Variants in ADGRG6 observed in about 807,000 individuals in gnomAD.
ADGRG6 encodes G-protein coupled receptor 126.
In ADGRG6, 84 loss-of-function variants were observed where a neutral mutation model predicts 142.4. The observed-to-expected ratio is 0.59, with a 90% CI of 0.49 to 0.71. ADGRG6 has a LOEUF of 0.71. Among genes scored for constraint, ADGRG6 ranks in the 30% least tolerant of loss-of-function variants. ADGRG6 has a pLI of 0.00. For missense variants in ADGRG6, 1,367 were observed against 1,466.6 expected, an observed-to-expected ratio of 0.93 and a Z score of 1.11; for synonymous variants, 521 against 520.5, an observed-to-expected ratio of 1.00 and a Z score of -0.01.
intron 2 of ADGRG6, among the ~76,000 whole-genome samples, chr6:142,341,710 T>C (rs1303945947): frequency 7.1e-6 from 1 of 140,348 alleles, no homozygotes; most frequent in Non-Finnish European, 1.5e-5. Flanking sequence ...GAGAGCAAGA[T>C]TCTAATGATA....
intron 20 of ADGRG6, 100 bp downstream of exon 20, chr6:142,416,164 GA>G (rs1776350195): frequency 4.9e-6 from 4 of 817,142 alleles, no homozygotes; most frequent in Non-Finnish European, 7.6e-6. Flanking sequence ...GTACCATTAA[GA>G]GGAACCTCAA....
At position 142,445,283 on chromosome 6, in the gene ADGRG6, G is replaced by C. The variant is rs1777927022; in HGVS notation, c.*1768G>C. 1 of 152,104 alleles carries C rather than the reference G, an allele frequency of 6.6e-6. No individual in the cohort carries two copies. Among genetic ancestry groups the C allele is most frequent in the African/African-American group, 2.4e-5 (1 of 41,422 alleles). 9.4% of individuals were successfully genotyped at this position (152,104 alleles called of 1,614,324 possible). A position where few individuals can be genotyped will look rare whatever the true frequency, so the allele number is the denominator to read the frequency against. ...AAATATAAGGTCACTGAGATTCTAA[G>C]TAAGATAGTAAATCTAAGGTCACTG... On this transcript the variant is annotated 3_prime_UTR_variant, in exon 25 of 25. Transcript: ENST00000367609.
At chr6:142,408,697 A>C (rs118155380) in intron 16 of ADGRG6, among the ~76,000 whole-genome samples, 2 of 152,128 alleles carry the variant, frequency 1.3e-5, no homozygotes, top group Non-Finnish European at 2.9e-5. Context: ...AGAGGTTAGC[A>C]GTGGTTAGTC....
At chr6:142,324,982 A>G (rs763777811) in intron 2 of ADGRG6, among the ~76,000 whole-genome samples, 1 of 152,176 alleles carries the variant, frequency 6.6e-6, no homozygotes, top group East Asian at 1.9e-4. Context: ...CAGAGAAACT[A>G]TGTTGTAAAC....
chr6:142,328,854 G>A (rs1485513541), intron 2 of ADGRG6, among the ~76,000 whole-genome samples: 1 of 152,138 alleles, frequency 6.6e-6, no homozygotes, highest in East Asian at 1.9e-4. Context: ...CTTAATCGAT[G>A]AAATTGACAT....
chr6:142,310,699 A>T (rs1190478391), intron 2 of ADGRG6, among the ~76,000 whole-genome samples: 1 of 151,834 alleles, frequency 6.6e-6, no homozygotes, highest in African/African-American at 2.4e-5. Context: ...AATCCCTGGC[A>T]CTTATTTAAT....
intron 10 of ADGRG6, among the ~76,000 whole-genome samples, chr6:142,399,139 G>T (rs1775369906): frequency 6.6e-6 from 1 of 152,130 alleles, no homozygotes; most frequent in African/African-American, 2.4e-5. Flanking sequence ...CAAAAGAAAA[G>T]AAAACTTTGA....
chr6:142,395,469 G>GTAGTAGAGACAGTCTCTAC (rs1460184252), intron 9 of ADGRG6, among the ~76,000 whole-genome samples: 1 of 152,120 alleles, frequency 6.6e-6, no homozygotes, highest in Non-Finnish European at 1.5e-5. Context: ...GCTTTTTAGT[G>GTAGTAGAGACAGTCTCTAC]TACTTACTGT....
At chr6:142,328,733 G>A (rs1006849145) in intron 2 of ADGRG6, among the ~76,000 whole-genome samples, 10 of 152,102 alleles carry the variant, frequency 6.6e-5, no homozygotes, top group African/African-American at 2.4e-4. Flanking sequence ...ATCCTTGGGC[G>A]TCATTACAGA....
At chr6:142,397,872 A>G in intron 10 of ADGRG6, 117 bp downstream of exon 10, 1 of 594,598 alleles carries the variant, frequency 1.7e-6, no homozygotes, top group Non-Finnish European at 2.7e-6. Context: ...TTTTTTTCTG[A>G]TGGTGAAGTT....
At chr6:142,376,755 A>G (rs1781523197) in intron 4 of ADGRG6, among the ~76,000 whole-genome samples, 2 of 152,222 alleles carry the variant, frequency 1.3e-5, no homozygotes, top group Admixed American at 1.3e-4. Context: ...ATAGATGACT[A>G]AATTTCACTT....
intron 2 of ADGRG6, among the ~76,000 whole-genome samples, chr6:142,332,760 A>C (rs1779119680): frequency 6.6e-6 from 1 of 152,182 alleles, no homozygotes; most frequent in South Asian, 2.1e-4. Context: ...TAAGTTAGTG[A>C]AAATACCCTT....
chr6:142,315,300 T>TA (rs1233508425), intron 2 of ADGRG6, among the ~76,000 whole-genome samples: 1 of 152,070 alleles, frequency 6.6e-6, no homozygotes, highest in Non-Finnish European at 1.5e-5. Context: ...GCACTGTTCT[T>TA]ACTATTCTTT....
rs182183416 is a variant in ADGRG6, at chr6:142,407,149, A to G, written c.2269-1001A>G. ...CAAGAGTTCAAGGCCAATCAAGCCA[A>G]CATAGTGAGACCCGTCTCTTTAAAA... On this transcript the variant is annotated intron_variant, in intron 15 of 24. Coordinates refer to ENST00000367609, the MANE Select transcript of ADGRG6 (RefSeq NM_198569.3). Among the ~76,000 whole-genome samples, 29 of 148,992 alleles carry G rather than the reference A, an allele frequency of 1.9e-4. 1 individual carries two copies. Among genetic ancestry groups the G allele is most frequent in the Admixed American group, 1.9e-3 (28 of 14,972 alleles).
intron 9 of ADGRG6, 74 bp downstream of exon 9, chr6:142,394,032 A>C: frequency 1.0e-6 from 1 of 955,602 alleles, no homozygotes; most frequent in East Asian, 2.6e-5. Context: ...AGAGAAATGA[A>C]AACAATTAGA....
chr6:142,317,355 A>G (rs1018182875), intron 2 of ADGRG6, among the ~76,000 whole-genome samples: 1 of 152,022 alleles, frequency 6.6e-6, no homozygotes, highest in African/African-American at 2.4e-5. Flanking sequence ...ACCATGGAAG[A>G]CAGAATCAGT....
intron 2 of ADGRG6, among the ~76,000 whole-genome samples, chr6:142,326,564 A>G (rs1554232230): frequency 6.6e-6 from 1 of 151,194 alleles, no homozygotes; most frequent in Non-Finnish European, 1.5e-5. Flanking sequence ...GATGAGTGTC[A>G]CACTGAATAC....
At chr6:142,432,626 A>ACC (rs1170363983) in intron 22 of ADGRG6, among the ~76,000 whole-genome samples, 1 of 152,158 alleles carries the variant, frequency 6.6e-6, no homozygotes, top group East Asian at 1.9e-4. Flanking sequence ...GTTACTTAAA[A>ACC]ATAGGCAATG....
intron 2 of ADGRG6, among the ~76,000 whole-genome samples, chr6:142,318,851 T>G (rs1778378553): frequency 6.6e-6 from 1 of 151,868 alleles, no homozygotes; most frequent in African/African-American, 2.4e-5. Context: ...GATGGGGAAG[T>G]GGGAGACCAG....
Sources: gnomAD v4.1 joint callset for allele counts (sites outside exome capture counted in the v4.1 genomes callset) on GRCh38, gnomAD v4.1.1 for gene constraint, MANE v1.5 for transcripts, NCBI Gene and HGNC (gene_info 2026-07-23, HGNC 2026-07-21) for gene names.